Variants in LCLAT1 observed in about 807,000 individuals in gnomAD.
LCLAT1 encodes the protein 1-AGP acyltransferase 8.
Under a neutral mutation model 30.7 loss-of-function variants are expected in LCLAT1, and 11 were observed. That is an observed-to-expected ratio of 0.36 (90% CI 0.23 to 0.59). The LOEUF (loss-of-function observed/expected upper bound fraction) is 0.59. Among genes scored for constraint, LCLAT1 ranks in the 20% least tolerant of loss-of-function variants. The probability of loss-of-function intolerance (pLI) is 0.77; values close to 1 mark genes in which losing one functional copy is unlikely to be tolerated. For synonymous variants in LCLAT1, 155 were observed against 151.3 expected (o/e 1.02, Z -0.18); for missense variants, 402 against 458.6 (o/e 0.88, Z 1.13).
intron 3 of LCLAT1, among the ~76,000 whole-genome samples, chr2:30,555,777 G>T (rs1664885591): frequency 6.6e-6 from 1 of 151,762 alleles, no homozygotes; most frequent in African/African-American, 2.4e-5. Flanking sequence ...AGAAGAAAAT[G>T]GGGTATACAA....
intron 1 of LCLAT1, among the ~76,000 whole-genome samples, chr2:30,464,064 G>C (rs1192405878): frequency 1.3e-5 from 2 of 152,126 alleles, no homozygotes; most frequent in African/African-American, 4.8e-5. Flanking sequence ...GGCTCTATCA[G>C]TTGATTCTCT....
intron 1 of LCLAT1, among the ~76,000 whole-genome samples, chr2:30,499,462 G>C (rs985808502): frequency 6.6e-5 from 10 of 152,210 alleles, no homozygotes; most frequent in African/African-American, 2.2e-4. Flanking sequence ...GATTACGGGA[G>C]TGAGCCACTG....
At chr2:30,575,249 T>TTGGTG (rs528900722) in intron 5 of LCLAT1, among the ~76,000 whole-genome samples, 176 of 152,272 alleles carry the variant, frequency 1.2e-3, no homozygotes, top group African/African-American at 4.0e-3. Context: ...CAGTAGTTTT[T>TTGGTG]TGGTGGCCTT....
chr2:30,640,229 C>A lies in LCLAT1; in HGVS notation c.741C>A (p.Val247=), dbSNP rs1005864307. The A allele has an allele frequency of 1.2e-6, 2 of 1,614,010 alleles. No individual in the cohort carries two copies. Among genetic ancestry groups the A allele is most frequent in the Non-Finnish European group, 1.7e-6 (2 of 1,179,968 alleles). Residue 247 remains valine (V), a synonymous_variant, in exon 6 of 6, where the codon GTC becomes GTA. Transcript: ENST00000379509. The part of the protein sequence containing the change: ...GDFPREIHFH[V]HRYPIDTLPT... Reference sequence around the variant, plus strand: ...TTCCCAGGGAAATCCACTTTCACGTCCACCGGTATCCAATAGACACCCTCC... The same window carrying A: ...TTCCCAGGGAAATCCACTTTCACGTACACCGGTATCCAATAGACACCCTCC...
chr2:30,491,943 A>G (rs1037904776), intron 1 of LCLAT1, among the ~76,000 whole-genome samples: 10 of 152,230 alleles, frequency 6.6e-5, no homozygotes, highest in Non-Finnish European at 1.5e-4. Context: ...TAATTGCAAA[A>G]AAGATAAAAT....
chr2:30,516,360 C>T lies in LCLAT1; in HGVS notation c.-4-9227C>T, dbSNP rs1033379371. Reference sequence around the variant, plus strand: ...GCTGAACGTCGCCGTCGCAGACCCGCCATTGACTTTCACCGCTCTGGATCC... The same window carrying T: ...GCTGAACGTCGCCGTCGCAGACCCGTCATTGACTTTCACCGCTCTGGATCC... On this transcript the variant is annotated intron_variant, in intron 1 of 5. Transcript: ENST00000379509. 6.6e-5 allele frequency among the ~76,000 whole-genome samples: 10 copies of T among 152,314 alleles called. No homozygotes were observed. The South Asian group carries it at 1.7e-3, about 25-fold the overall frequency.
At chr2:30,580,531 G>A (rs1453013443) in intron 5 of LCLAT1, among the ~76,000 whole-genome samples, 4 of 152,148 alleles carry the variant, frequency 2.6e-5, no homozygotes, top group Non-Finnish European at 4.4e-5. Flanking sequence ...TAGTTTAGAT[G>A]ACTGCTACAG....
chr2:30,587,369 T>C (rs138993904), intron 5 of LCLAT1, among the ~76,000 whole-genome samples: 3 of 152,240 alleles, frequency 2.0e-5, no homozygotes, highest in Non-Finnish European at 2.9e-5. Context: ...ATCTTTCTCA[T>C]GCGGTTACTG....
intron 5 of LCLAT1, among the ~76,000 whole-genome samples, chr2:30,577,869 C>A (rs12993664): frequency 0.24 from 35,988 of 151,710 alleles, 5,212 homozygotes; most frequent in East Asian, 0.53. Flanking sequence ...TTTTGATGGC[C>A]GAAATATTTT....
At chr2:30,535,001 A>C (rs1284277751) in intron 3 of LCLAT1, among the ~76,000 whole-genome samples, 1 of 152,210 alleles carries the variant, frequency 6.6e-6, no homozygotes, top group Non-Finnish European at 1.5e-5. Flanking sequence ...AGTGTATATG[A>C]GATTTAAAAA....
intron 1 of LCLAT1, among the ~76,000 whole-genome samples, chr2:30,477,369 G>A (rs829641): frequency 0.76 from 114,837 of 152,076 alleles, 43,985 homozygotes; most frequent in East Asian, 0.87. Context: ...GAGAAAATAT[G>A]GAATACATCT....
chr2:30,474,095 G>A (rs1682931504), intron 1 of LCLAT1, among the ~76,000 whole-genome samples: 1 of 152,150 alleles, frequency 6.6e-6, no homozygotes, highest in African/African-American at 2.4e-5. Context: ...AGGGAAGAAG[G>A]CAAATGTTAT....
chr2:30,525,193 C>G (rs1434541160), intron 1 of LCLAT1, among the ~76,000 whole-genome samples: 3 of 152,038 alleles, frequency 2.0e-5, no homozygotes, highest in Admixed American at 2.0e-4. Context: ...TAACATCTAC[C>G]TCAGCCTCCC....
chr2:30,611,011 G>C (rs886322733), intron 5 of LCLAT1, among the ~76,000 whole-genome samples: 1 of 145,184 alleles, frequency 6.9e-6, no homozygotes, highest in Admixed American at 6.9e-5. Context: ...CTTCTTCCTT[G>C]ATCATCTTTC....
intron 1 of LCLAT1, among the ~76,000 whole-genome samples, chr2:30,496,811 C>T (rs1326634959): frequency 1.3e-5 from 2 of 152,074 alleles, no homozygotes; most frequent in African/African-American, 4.8e-5. Context: ...TGCGGGATAC[C>T]ATATACACTG....
chr2:30,504,475 C>T (rs1025017289), intron 1 of LCLAT1, among the ~76,000 whole-genome samples: 1 of 152,090 alleles, frequency 6.6e-6, no homozygotes, highest in Non-Finnish European at 1.5e-5. Context: ...TTACTAAATA[C>T]TTTTATCATT....
intron 1 of LCLAT1, 55 bp downstream of exon 1, chr2:30,447,438 CG>C: frequency 6.5e-6 from 1 of 152,750 alleles, no homozygotes; most frequent in Non-Finnish European, 1.5e-5. Context: ...TGGCGGCGGC[CG>C]GGGGATCTCA....
intron 5 of LCLAT1, among the ~76,000 whole-genome samples, chr2:30,577,053 C>T (rs1666021036): frequency 6.6e-6 from 1 of 150,472 alleles, no homozygotes; most frequent in Admixed American, 6.6e-5. Context: ...AAGTAGTTTT[C>T]TCCATTTTAT....
At chr2:30,506,528 T>C (rs1454606089) in intron 1 of LCLAT1, among the ~76,000 whole-genome samples, 4 of 152,138 alleles carry the variant, frequency 2.6e-5, no homozygotes. Context: ...GTGATAATGC[T>C]ATTAAGAATA....
Sources: allele counts gnomAD v4.1 joint callset (sites outside exome capture counted in the v4.1 genomes callset), GRCh38; gene constraint gnomAD v4.1.1; transcripts MANE v1.5; gene names NCBI Gene and HGNC (gene_info 2026-07-23, HGNC 2026-07-21).